The following COL4A2 variants were observed in gnomAD, a reference collection of about 807,000 sequenced individuals.
COL4A2 encodes the protein collagen alpha-2(IV) chain.
In COL4A2, 99 loss-of-function variants were observed where a neutral mutation model predicts 200.2. That is an observed-to-expected ratio of 0.49 (90% CI 0.42 to 0.58). COL4A2 has a LOEUF of 0.58. Ranked by LOEUF, COL4A2 falls within the 20% of genes least tolerant of loss-of-function variation. The pLI is 0.00. For missense variants in COL4A2, 1,950 were observed against 2,314.1 expected, an observed-to-expected ratio of 0.84 and a Z score of 3.23; for synonymous variants, 897 against 900.6, an observed-to-expected ratio of 1.00 and a Z score of 0.07.
chr13:110,432,031 A>C (rs184039734), intron 10 of COL4A2, among the ~76,000 whole-genome samples: 1 of 152,178 alleles, frequency 6.6e-6, no homozygotes, highest in Non-Finnish European at 1.5e-5. Flanking sequence ...GGACCTTGCA[A>C]AGGGATCAGA....
At chr13:110,503,315 C>G in intron 42 of COL4A2, 33 bp downstream of exon 42, 1 of 1,593,438 alleles carries the variant, frequency 6.3e-7, no homozygotes, top group African/African-American at 1.4e-5. Flanking sequence ...GCCAGCAGCC[C>G]TGGCCACAGT....
At chr13:110,481,668 A>T (rs61970299) in intron 31 of COL4A2, among the ~76,000 whole-genome samples, 1,843 of 5,126 alleles carry the variant, frequency 0.36, 150 homozygotes, top group East Asian at 0.44. Context: ...GGAGACACAC[A>T]GTTCTGTCCT....
At chr13:110,352,185 T>C (rs1300610344) in intron 3 of COL4A2, among the ~76,000 whole-genome samples, 16 of 152,150 alleles carry the variant, frequency 1.1e-4, no homozygotes, top group Non-Finnish European at 2.4e-4. Flanking sequence ...TGTCTCTGCT[T>C]TCTAGCAGTG....
rs775980504 is a variant in COL4A2, at chr13:110,424,749, G to T, written c.196G>T (p.Val66Leu). 19 of 1,609,110 alleles carry T rather than the reference G, an allele frequency of 1.2e-5. 1 individual carries two copies. In the East Asian group the frequency reaches 4.2e-4, roughly 36 times the overall value. The change falls in exon 5 of 48, where the codon GTG becomes TTG. Residue 66 changes from valine (V) to leucine (L), a missense_variant. Val to Leu is a conservative substitution (Grantham distance 32). This residue lies in a region of COL4A2 where 565 missense variants were observed against 593.5 expected (regional missense o/e 0.95). Coordinates refer to ENST00000360467, the MANE Select transcript of COL4A2 (RefSeq NM_001846.4). Reference sequence around the variant, plus strand: ...GTTCCCACAGGGTCAGCCTGGGCCAGTGGGCCCCCAGGGGTACAATGGGCC... The same window carrying T: ...GTTCCCACAGGGTCAGCCTGGGCCATTGGGCCCCCAGGGGTACAATGGGCC... ...EKGGRGQPGPVGPQGYNGPPG... is the reference protein window; with the variant it reads ...EKGGRGQPGPLGPQGYNGPPG...
intron 4 of COL4A2, among the ~76,000 whole-genome samples, chr13:110,400,965 C>T (rs775417687): frequency 4.6e-5 from 7 of 152,318 alleles, no homozygotes; most frequent in South Asian, 4.1e-4. Context: ...TGCCTCCTAA[C>T]AGAAAACATC....
chr13:110,348,235 C>T (rs1488669753), intron 3 of COL4A2, among the ~76,000 whole-genome samples: 6 of 152,222 alleles, frequency 3.9e-5, no homozygotes, highest in Non-Finnish European at 5.9e-5. Flanking sequence ...CGTGGGGGAG[C>T]GCCCCTGTCC....
chr13:110,474,406 C>G (rs774041221), intron 29 of COL4A2, among the ~76,000 whole-genome samples: 6 of 152,176 alleles, frequency 3.9e-5, no homozygotes, highest in Non-Finnish European at 8.8e-5. Context: ...CCTAGCAAGG[C>G]CTGGAAGGGT....
intron 16 of COL4A2, among the ~76,000 whole-genome samples, chr13:110,442,544 A>G (rs1244786769): frequency 6.6e-6 from 1 of 152,214 alleles, no homozygotes; most frequent in African/African-American, 2.4e-5. Flanking sequence ...TAAACAGTGC[A>G]TCAAAATGGG....
At chr13:110,454,835 G>C (rs1881663288) in intron 20 of COL4A2, among the ~76,000 whole-genome samples, 1 of 152,148 alleles carries the variant, frequency 6.6e-6, no homozygotes, top group Non-Finnish European at 1.5e-5. Flanking sequence ...ACTCGACACA[G>C]AGTCAACCCT....
intron 29 of COL4A2, among the ~76,000 whole-genome samples, chr13:110,477,653 A>G (rs1006810082): frequency 6.6e-6 from 1 of 152,240 alleles, no homozygotes; most frequent in Non-Finnish European, 1.5e-5. Context: ...GTTATTTTAA[A>G]TGTTTGCAAA....
chr13:110,330,645 C>CG (rs1875864753), intron 3 of COL4A2, among the ~76,000 whole-genome samples: 1 of 152,156 alleles, frequency 6.6e-6, no homozygotes. Flanking sequence ...CTCTTGGAAA[C>CG]GCTTCTCCGA....
At chr13:110,337,011 C>T (rs1383946693) in intron 3 of COL4A2, among the ~76,000 whole-genome samples, 2 of 152,202 alleles carry the variant, frequency 1.3e-5, no homozygotes, top group African/African-American at 4.8e-5. Context: ...CTGGGTACTG[C>T]ACTGGTTAGC....
chr13:110,425,130 G>A, intron 6 of COL4A2, 133 bp downstream of exon 6: 5 of 997,206 alleles, frequency 5.0e-6, no homozygotes, highest in Non-Finnish European at 7.5e-6. Context: ...GACTATACGT[G>A]CGTATTCTCC....
chr13:110,467,134 C>T (rs750550235), intron 27 of COL4A2, 38 bp downstream of exon 27: 3 of 1,612,960 alleles, frequency 1.9e-6, no homozygotes, highest in Non-Finnish European at 1.7e-6. Flanking sequence ...ACCCAGCCTT[C>T]CTCCCACATC....
intron 4 of COL4A2, among the ~76,000 whole-genome samples, chr13:110,389,119 G>A (rs1878887284): frequency 3.3e-5 from 5 of 152,162 alleles, no homozygotes. Context: ...AACCCATGCA[G>A]GACGTCCTCA....
intron 3 of COL4A2, among the ~76,000 whole-genome samples, chr13:110,316,575 A>G (rs1326067982): frequency 6.6e-6 from 1 of 152,208 alleles, no homozygotes; most frequent in Non-Finnish European, 1.5e-5. Flanking sequence ...CAAACCTAAG[A>G]GAGCATCCTG....
Position 110,503,986 on chromosome 13 carries a change from A to G in COL4A2, c.4278A>G (p.Gly1426=). 1 of 1,554,990 alleles carries G rather than the reference A, an allele frequency of 6.4e-7. No individual in the cohort carries two copies. Among genetic ancestry groups the G allele is most frequent in the Non-Finnish European group, 8.7e-7 (1 of 1,155,450 alleles). ...PGEMGPQGPP[G]EPGFRGAPGK... Reference sequence around the variant, plus strand: ...AGATGGGGCCCCAGGGCCCCCCCGGAGAACCAGGTAGAGTGCTGAGCTGGG... The same window carrying G: ...AGATGGGGCCCCAGGGCCCCCCCGGGGAACCAGGTAGAGTGCTGAGCTGGG... The change falls in exon 44 of 48, where the codon GGA becomes GGG. Residue 1426 remains glycine, a synonymous_variant. Coordinates refer to ENST00000360467, the MANE Select transcript of COL4A2 (RefSeq NM_001846.4).
intron 4 of COL4A2, among the ~76,000 whole-genome samples, chr13:110,384,023 C>T (rs907910226): frequency 2.6e-5 from 4 of 152,134 alleles, no homozygotes; most frequent in African/African-American, 7.2e-5. Context: ...GCTGTGCAGG[C>T]GGTAAATGGC....
rs376754790 is a variant in COL4A2 at position 110,446,782 on chromosome 13, T to C, written c.1012-16T>C. 46 of 1,607,188 alleles carry C rather than the reference T, an allele frequency of 2.9e-5. No homozygotes were observed. The highest frequency in any genetic ancestry group is 3.4e-5 in the Non-Finnish European group (40 of 1,174,480). On this transcript the variant is annotated splice_polypyrimidine_tract_variant and intron_variant, in intron 17 of 47. Transcript: ENST00000360467. Reference sequence around the variant, plus strand: ...AGGCTATTCTCACATCCTGTTTTTCTCTTTTCTTTCTCTAGGGAGAAGCCG... The same window carrying C: ...AGGCTATTCTCACATCCTGTTTTTCCCTTTTCTTTCTCTAGGGAGAAGCCG...
Sources: gnomAD v4.1 joint callset for allele counts (sites outside exome capture counted in the v4.1 genomes callset) on GRCh38, gnomAD v4.1.1 for gene constraint, gnomAD v4.1.1 regional missense constraint, MANE v1.5 for transcripts, NCBI Gene and HGNC (gene_info 2026-07-23, HGNC 2026-07-21) for gene names.